PDE11A: variants seen among roughly 807,000 people sequenced by gnomAD.
The protein encoded by PDE11A is dual 3',5'-cyclic-AMP and -GMP phosphodiesterase 11A.
A neutral mutation model predicts 100.5 loss-of-function variants in PDE11A; 100 were observed. That is an observed-to-expected ratio of 1.00 (90% CI 0.85 to 1.18). The LOEUF is 1.18. Among genes scored for constraint, PDE11A ranks in the 50% most tolerant of loss-of-function variants. The pLI is 0.00. For synonymous variants in PDE11A, 381 were observed against 420.8 expected, an observed-to-expected ratio of 0.91 and a Z score of 1.16; for missense variants, 1,141 against 1,152.6, an observed-to-expected ratio of 0.99 and a Z score of 0.15.
At chr2:178,054,541 C>T (rs971931149) in intron 1 of PDE11A, among the ~76,000 whole-genome samples, 2 of 152,046 alleles carry the variant, frequency 1.3e-5, no homozygotes, top group African/African-American at 2.4e-5. Context: ...CAAAAGAAAC[C>T]ACCATCAGAG....
chr2:177,990,856 C>G (rs779408462), intron 2 of PDE11A, among the ~76,000 whole-genome samples: 1 of 148,502 alleles, frequency 6.7e-6, no homozygotes, highest in East Asian at 2.0e-4. Context: ...TAGCTGGGCA[C>G]GGTGGTGCGC....
At chr2:177,666,736 T>C (rs1197819726) in intron 18 of PDE11A, among the ~76,000 whole-genome samples, 5 of 48,422 alleles carry the variant, frequency 1.0e-4, no homozygotes, top group African/African-American at 2.3e-4. Flanking sequence ...GCCTATCTTT[T>C]AAATTGAGTT....
chr2:177,915,150 T>G (rs2084934772), intron 2 of PDE11A, among the ~76,000 whole-genome samples: 1 of 152,168 alleles, frequency 6.6e-6, no homozygotes, highest in South Asian at 2.1e-4. Flanking sequence ...ACATCTTACA[T>G]TAGAGTGGTA....
At chr2:178,028,657 C>T (rs142714143) in intron 1 of PDE11A, among the ~76,000 whole-genome samples, 1 of 152,284 alleles carries the variant, frequency 6.6e-6, no homozygotes, top group East Asian at 1.9e-4. Context: ...ATGTCATTTT[C>T]TTAGCCAGCT....
At chr2:177,877,131 G>A (rs1326379591) in intron 4 of PDE11A, among the ~76,000 whole-genome samples, 1 of 146,686 alleles carries the variant, frequency 6.8e-6, no homozygotes, top group African/African-American at 2.6e-5. Flanking sequence ...GGAGGTGGCA[G>A]CAAGTTAGGG....
At chr2:177,827,403 G>C (rs1012845037) in intron 6 of PDE11A, among the ~76,000 whole-genome samples, 3 of 152,208 alleles carry the variant, frequency 2.0e-5, no homozygotes, top group Non-Finnish European at 4.4e-5. Context: ...ATCCATCCAT[G>C]CATAAGGCCT....
At chr2:177,953,895 G>A (rs981123304) in intron 2 of PDE11A, among the ~76,000 whole-genome samples, 15 of 152,072 alleles carry the variant, frequency 9.9e-5, no homozygotes, top group African/African-American at 2.2e-4. Context: ...GTTATTTTTC[G>A]GAAAACTGCT....
At chr2:177,641,623 T>C (rs2080144895) in intron 19 of PDE11A, among the ~76,000 whole-genome samples, 1 of 152,142 alleles carries the variant, frequency 6.6e-6, no homozygotes, top group Non-Finnish European at 1.5e-5. Flanking sequence ...AAAATTAATT[T>C]GTATTAAATT....
intron 16 of PDE11A, chr2:177,677,867 G>A (rs1012240309): frequency 3.9e-5 from 6 of 152,254 alleles, no homozygotes; most frequent in East Asian, 1.9e-4. Flanking sequence ...TCAGTTTATA[G>A]TGAGTTAACA....
intron 2 of PDE11A, among the ~76,000 whole-genome samples, chr2:177,968,176 C>G (rs1694047187): frequency 1.3e-5 from 2 of 152,118 alleles, no homozygotes; most frequent in African/African-American, 4.8e-5. Context: ...AACAAACAAA[C>G]AAACAACAAC....
chr2:177,900,950 T>C (rs1246864970), intron 3 of PDE11A, among the ~76,000 whole-genome samples: 1 of 152,174 alleles, frequency 6.6e-6, no homozygotes, highest in African/African-American at 2.4e-5. Context: ...ACTGTCCTTG[T>C]TCATTTCTGG....
Position 177,799,710 on chromosome 2 carries a change from A to T in PDE11A, c.1737+17119T>A, listed in dbSNP as rs918423188. Among the ~76,000 whole-genome samples, 3 of 152,136 alleles carry T rather than the reference A, an allele frequency of 2.0e-5. No individual in the cohort carries two copies. The South Asian group carries it at 6.2e-4, about 32-fold the overall frequency. ...GCAGTCCCCCTTGGTCTGAAAGAAG[A>T]TGGGAAGGCATTGTTCTGAAAGCAG... On this transcript the variant is annotated intron_variant, in intron 9 of 19. Coordinates refer to ENST00000286063, the MANE Select transcript of PDE11A (RefSeq NM_016953.4).
intron 5 of PDE11A, among the ~76,000 whole-genome samples, chr2:177,855,261 C>A (rs116756445): frequency 6.6e-6 from 1 of 152,030 alleles, no homozygotes; most frequent in African/African-American, 2.4e-5. Context: ...TTACCTTGGA[C>A]ATAGAGAAAT....
rs1574384144 is a variant in PDE11A at position 178,072,552 on chromosome 2, A to C, written c.-115T>G. 3.2e-6 allele frequency: 5 copies of C among 1,542,626 alleles called. No homozygotes were observed. Among genetic ancestry groups the C allele is most frequent in the South Asian group, 1.2e-5 (1 of 84,298 alleles). ...CCACCAGTATTCCCAGTTCAGCGCCACCTCCCCTGGAGATTATTCCCAGCA... is the reference window on the plus strand; with the variant it reads ...CCACCAGTATTCCCAGTTCAGCGCCCCCTCCCCTGGAGATTATTCCCAGCA... On this transcript the variant is annotated 5_prime_UTR_variant, in exon 1 of 20. Transcript: ENST00000286063.
intron 2 of PDE11A, among the ~76,000 whole-genome samples, chr2:178,083,658 T>C (rs1317805261): frequency 6.6e-6 from 1 of 152,170 alleles, no homozygotes; most frequent in African/African-American, 2.4e-5. Flanking sequence ...ATACCTTTGA[T>C]TGGCTGTACA....
At chr2:177,636,323 T>C (rs73977683) in intron 19 of PDE11A, among the ~76,000 whole-genome samples, 25,089 of 152,102 alleles carry the variant, frequency 0.16, 3,351 homozygotes, top group African/African-American at 0.37. Context: ...TGAAGCATCA[T>C]AATCATGTTG....
At chr2:177,923,582 A>G (rs1245616049) in intron 2 of PDE11A, among the ~76,000 whole-genome samples, 1 of 152,274 alleles carries the variant, frequency 6.6e-6, no homozygotes, top group East Asian at 1.9e-4. Flanking sequence ...CCTCTAGTAG[A>G]CTTAGCCAGA....
intron 16 of PDE11A, 80 bp from the exon 17 acceptor site, chr2:177,675,598 A>G (rs1211995322): frequency 9.9e-7 from 1 of 1,013,408 alleles, no homozygotes; most frequent in Non-Finnish European, 1.5e-6. Context: ...ATACATAAAT[A>G]AATAAAATAA....
At chr2:178,016,448 T>G (rs1036622921) in intron 1 of PDE11A, among the ~76,000 whole-genome samples, 3 of 152,022 alleles carry the variant, frequency 2.0e-5, no homozygotes, top group Non-Finnish European at 4.4e-5. Context: ...TTTCAGAAAA[T>G]CAGCAATCTG....
Sources: gnomAD v4.1 joint callset for allele counts (sites outside exome capture counted in the v4.1 genomes callset) on GRCh38, gnomAD v4.1.1 for gene constraint, MANE v1.5 for transcripts, NCBI Gene and HGNC (gene_info 2026-07-23, HGNC 2026-07-21) for gene names.